The following DMXL2 variants were observed in gnomAD, a reference collection of about 807,000 sequenced individuals.
The protein encoded by DMXL2 is dmX-like protein 2.
A neutral mutation model predicts 331.1 loss-of-function variants in DMXL2; 103 were observed. The ratio of observed to expected loss-of-function variants is 0.31; its 90% CI spans 0.27 to 0.37. The LOEUF (loss-of-function observed/expected upper bound fraction) is 0.37, where lower values mean the gene tolerates loss of function less well. DMXL2 is among the 10% of genes least tolerant of loss of function. The probability of loss-of-function intolerance (pLI) is 1.00; values close to 1 mark genes in which losing one functional copy is unlikely to be tolerated. For missense variants in DMXL2, 3,171 were observed against 3,642.9 expected (o/e 0.87, Z 3.33); for synonymous variants, 1,281 against 1,252.1 (o/e 1.02, Z -0.49).
At chr15:51,616,187 C>T (rs1036468692) in intron 1 of DMXL2, among the ~76,000 whole-genome samples, 1 of 152,070 alleles carries the variant, frequency 6.6e-6, no homozygotes, top group African/African-American at 2.4e-5. Flanking sequence ...CACCAAATTA[C>T]CATGTATATT....
Position 51,457,379 on chromosome 15 carries a change from A to C in DMXL2, c.8286T>G (p.Pro2762=). The part of the protein sequence containing the change: ...TSYSASQVHP[P]SSLPWLGTGQ... ...CAGTGCCCAGCCATGGCAGAGATGA[A>C]GGTGGATGCACCTGACTTGCTGAAT... Residue 2762 remains proline (P), a synonymous_variant, in exon 37 of 44, where the codon CCT becomes CCG. Transcript: ENST00000560891. 2 of 1,614,222 alleles carry C rather than the reference A, an allele frequency of 1.2e-6. No homozygotes were observed. The highest frequency in any genetic ancestry group is 3.3e-4 in the Middle Eastern group (2 of 6,062).
chr15:51,563,108 T>A (rs909307616), intron 6 of DMXL2, among the ~76,000 whole-genome samples: 1 of 151,512 alleles, frequency 6.6e-6, no homozygotes, highest in Non-Finnish European at 1.5e-5. Flanking sequence ...GTTATGTACA[T>A]ATGCTATTTT....
At chr15:51,533,642 T>C (rs1417662211) in intron 13 of DMXL2, among the ~76,000 whole-genome samples, 1 of 152,204 alleles carries the variant, frequency 6.6e-6, no homozygotes. Context: ...CTATCATATA[T>C]TAAAACAAAT....
chr15:51,475,066 TA>T (rs893611444), intron 27 of DMXL2, among the ~76,000 whole-genome samples: 4 of 152,188 alleles, frequency 2.6e-5, no homozygotes, highest in African/African-American at 7.2e-5. Context: ...GAAACCACCT[TA>T]ACAAGTGATC....
chr15:51,585,535 T>G (rs1254581972), intron 1 of DMXL2, among the ~76,000 whole-genome samples: 1 of 152,200 alleles, frequency 6.6e-6, no homozygotes, highest in Non-Finnish European at 1.5e-5. Flanking sequence ...AACATGTATG[T>G]ATAGATGATA....
chr15:51,459,739 G>C, intron 33 of DMXL2, 79 bp from the exon 34 acceptor site: 1 of 1,275,086 alleles, frequency 7.8e-7, no homozygotes, highest in South Asian at 1.3e-5. Flanking sequence ...ATTTCAAGCT[G>C]AAATGGCCAC....
rs543292431 is a variant in DMXL2 at position 51,555,192 on chromosome 15, G to A, written c.568-7784C>T. Among the ~76,000 whole-genome samples, 11 of 152,276 alleles carry A rather than the reference G, an allele frequency of 7.2e-5. No homozygotes were observed. The South Asian group carries it at 2.3e-3, about 32-fold the overall frequency. Reference sequence around the variant, plus strand: ...ATTTTTTAAATCACTCCACCTGCTGGTTTGAACATAGATTGTACAGAAGTG... The same window carrying A: ...ATTTTTTAAATCACTCCACCTGCTGATTTGAACATAGATTGTACAGAAGTG... On this transcript the variant is annotated intron_variant, in intron 6 of 43. Coordinates refer to ENST00000560891, the MANE Select transcript of DMXL2 (RefSeq NM_001378457.1).
intron 14 of DMXL2, among the ~76,000 whole-genome samples, chr15:51,516,311 C>T (rs865850807): frequency 5.9e-5 from 9 of 152,138 alleles, no homozygotes; most frequent in Admixed American, 3.3e-4. Flanking sequence ...TCCTTCTTTC[C>T]TAGGTAGTAG....
chr15:51,468,634 T>C (rs917391166), intron 29 of DMXL2, among the ~76,000 whole-genome samples: 2 of 152,122 alleles, frequency 1.3e-5, no homozygotes, highest in African/African-American at 4.8e-5. Context: ...TTGAATAGGT[T>C]GATGAAGAGA....
intron 23 of DMXL2, among the ~76,000 whole-genome samples, chr15:51,484,459 G>T (rs181815892): frequency 2.0e-5 from 3 of 152,196 alleles, no homozygotes; most frequent in South Asian, 4.1e-4. Flanking sequence ...TGCCACTAAT[G>T]TGGATTACAG....
intron 25 of DMXL2, among the ~76,000 whole-genome samples, chr15:51,479,185 G>T (rs940766950): frequency 6.6e-6 from 1 of 152,072 alleles, no homozygotes; most frequent in African/African-American, 2.4e-5. Context: ...TCATAATATG[G>T]ATGAGAAGTC....
intron 1 of DMXL2, among the ~76,000 whole-genome samples, chr15:51,594,930 ATCTATGACGG>A (rs1205253504): frequency 6.6e-6 from 1 of 152,222 alleles, no homozygotes; most frequent in Non-Finnish European, 1.5e-5. Context: ...AATAAGAGCT[ATCTATGACGG>A]TCTGTCATAT....
At chr15:51,501,059 T>C (rs1344429795) in intron 17 of DMXL2, among the ~76,000 whole-genome samples, 2 of 152,178 alleles carry the variant, frequency 1.3e-5, no homozygotes, top group African/African-American at 4.8e-5. Flanking sequence ...TATAATTTAT[T>C]ATCACGAACT....
chr15:51,467,813 G>A (rs566071112), intron 29 of DMXL2, among the ~76,000 whole-genome samples: 13 of 150,398 alleles, frequency 8.6e-5, no homozygotes, highest in Admixed American at 6.7e-4. Context: ...TGCAAGCTCC[G>A]CCTCCCGGGT....
chr15:51,460,744 G>T (rs185521969), intron 33 of DMXL2, among the ~76,000 whole-genome samples: 2 of 152,212 alleles, frequency 1.3e-5, no homozygotes, highest in Non-Finnish European at 2.9e-5. Flanking sequence ...TAGAGTTTTA[G>T]TAAGTTTTGC....
rs1391799541 is a variant in DMXL2 at position 51,457,434 on chromosome 15, G to A, written c.8231C>T (p.Thr2744Ile). 2 of 1,614,182 alleles carry A rather than the reference G, an allele frequency of 1.2e-6. No homozygotes were observed. Among genetic ancestry groups the A allele is most frequent in the Admixed American group, 1.7e-5 (1 of 60,032 alleles). ...SDDVDYRGSTTTLYQPSATSY... is the reference protein window; with the variant it reads ...SDDVDYRGSTITLYQPSATSY... ...TGTTGCACTGGGTTGATAAAGAGTTGTAGTGGAACCACGATAATCAACATC... is the reference window on the plus strand; with the variant it reads ...TGTTGCACTGGGTTGATAAAGAGTTATAGTGGAACCACGATAATCAACATC... Residue 2744 changes from threonine to isoleucine, a missense_variant, in exon 37 of 44, where the codon ACA becomes ATA. Transcript: ENST00000560891.
intron 6 of DMXL2, among the ~76,000 whole-genome samples, chr15:51,562,289 C>A (rs987311176): frequency 3.3e-5 from 5 of 152,020 alleles, no homozygotes; most frequent in African/African-American, 9.7e-5. Context: ...GATTTTTCAA[C>A]CCAATTCTAT....
At chr15:51,500,882 C>G (rs551509594) in intron 17 of DMXL2, among the ~76,000 whole-genome samples, 1 of 152,300 alleles carries the variant, frequency 6.6e-6, no homozygotes, top group East Asian at 1.9e-4. Flanking sequence ...GATTAAAGAT[C>G]TGAGGTCAGA....
intron 1 of DMXL2, among the ~76,000 whole-genome samples, chr15:51,621,464 T>C (rs546818940): frequency 2.5e-4 from 38 of 152,320 alleles, no homozygotes; most frequent in African/African-American, 9.1e-4. Context: ...TTACAAAATA[T>C]ATTTAATAAA....
Sources: allele counts gnomAD v4.1 joint callset (sites outside exome capture counted in the v4.1 genomes callset), GRCh38; gene constraint gnomAD v4.1.1; transcripts MANE v1.5; gene names NCBI Gene and HGNC (gene_info 2026-07-23, HGNC 2026-07-21).